Variants in CUX1 observed in about 807,000 individuals in gnomAD.
The protein encoded by CUX1 is cut like homeobox 1.
In CUX1, 31 loss-of-function variants were observed where a neutral mutation model predicts 158.8. That is an observed-to-expected ratio of 0.20 (90% confidence interval 0.15 to 0.26). The LOEUF (loss-of-function observed/expected upper bound fraction) is 0.26. Among genes scored for constraint, CUX1 ranks in the 10% least tolerant of loss-of-function variants. The probability of loss-of-function intolerance (pLI) is 1.00; values close to 1 mark genes in which losing one functional copy is unlikely to be tolerated. For synonymous variants in CUX1, 879 were observed against 862.1 expected (o/e 1.02, Z -0.34); for missense variants, 1,589 against 2,014.6 (o/e 0.79, Z 4.04).
At chr7:102,096,117 C>T (rs892800981) in intron 4 of CUX1, among the ~76,000 whole-genome samples, 1 of 152,252 alleles carries the variant, frequency 6.6e-6, no homozygotes, top group African/African-American at 2.4e-5. Flanking sequence ...TGCAAGACCC[C>T]AGCGCTGGCC....
At chr7:102,074,603 T>G (rs1826497128) in intron 4 of CUX1, among the ~76,000 whole-genome samples, 1 of 152,102 alleles carries the variant, frequency 6.6e-6, no homozygotes, top group East Asian at 1.9e-4. Flanking sequence ...AAGGAGTCAA[T>G]GGACCCAAAT....
intron 1 of CUX1, among the ~76,000 whole-genome samples, chr7:101,873,102 A>G (rs1798749617): frequency 6.7e-6 from 1 of 150,176 alleles, no homozygotes; most frequent in Non-Finnish European, 1.5e-5. Flanking sequence ...TGATCTCCTG[A>G]CCTTGTGATC....
At chr7:102,160,428 C>T (rs1790310471) in intron 9 of CUX1, among the ~76,000 whole-genome samples, 1 of 152,072 alleles carries the variant, frequency 6.6e-6, no homozygotes, top group African/African-American at 2.4e-5. Context: ...AGGCAGTCCC[C>T]AGCTACCTAA....
rs1334851438 is a variant in CUX1, at chr7:102,178,495, C to G, written c.855C>G (p.Arg285=). ...DVEQAIEVLT[R]SSLEVELAAK... ...AGCAGGCCATAGAGGTGCTGACCCG[C>G]TCCAGCCTAGAAGTTGAGTTGGCCG... Residue 285 remains arginine, a synonymous_variant, in exon 11 of 24, where the codon CGC becomes CGG. Transcript: ENST00000292535. The G allele has an allele frequency of 6.2e-7, 1 of 1,610,900 alleles. No individual in the cohort carries two copies. Among genetic ancestry groups the G allele is most frequent in the African/African-American group, 1.3e-5 (1 of 74,894 alleles).
At chr7:101,860,445 A>G (rs1048034017) in intron 1 of CUX1, among the ~76,000 whole-genome samples, 3 of 152,220 alleles carry the variant, frequency 2.0e-5, no homozygotes, top group African/African-American at 7.2e-5. Context: ...CACCTAAAAC[A>G]TAAATGAACA....
At chr7:101,982,357 C>T (rs1051633218) in intron 2 of CUX1, among the ~76,000 whole-genome samples, 2 of 152,158 alleles carry the variant, frequency 1.3e-5, no homozygotes, top group Non-Finnish European at 2.9e-5. Context: ...GACAGGAGGA[C>T]AAGTCACTGG....
At chr7:102,084,244 ATATAT>A (rs1209801204) in intron 4 of CUX1, among the ~76,000 whole-genome samples, 2 of 144,174 alleles carry the variant, frequency 1.4e-5, no homozygotes, top group Admixed American at 7.1e-5. Context: ...AATGAATTTC[ATATAT>A]TATATAATTT....
chr7:102,194,009 A>T lies in CUX1; in HGVS notation c.1125+119A>T, dbSNP rs1162203347. ...CGAGACCTCTCACTTACAGCCGATG[A>T]GTCATACTTCAAGAACATTTAACCA... On this transcript the variant is annotated intron_variant, in intron 13 of 23. Coordinates refer to ENST00000292535, the MANE Select transcript of CUX1 (RefSeq NM_181552.4). 7 of 955,284 alleles carry T rather than the reference A, an allele frequency of 7.3e-6. No individual in the cohort carries two copies. In the African/African-American group the frequency reaches 1.2e-4, roughly 16 times the overall value. 59.2% of individuals were successfully genotyped at this position (955,284 alleles called of 1,614,324 possible).
At chr7:102,044,034 C>A (rs150378403) in intron 3 of CUX1, among the ~76,000 whole-genome samples, 2 of 152,058 alleles carry the variant, frequency 1.3e-5, no homozygotes, top group East Asian at 3.9e-4. Flanking sequence ...TGCAGACTGG[C>A]GTGCGGTGGT....
intron 1 of CUX1, among the ~76,000 whole-genome samples, chr7:101,902,886 T>G (rs1802309628): frequency 6.6e-6 from 1 of 152,222 alleles, no homozygotes; most frequent in Admixed American, 6.5e-5. Context: ...TAGCTGGGAC[T>G]ACAGTTGTGC....
At chr7:101,928,610 C>T (rs769685540) in intron 2 of CUX1, among the ~76,000 whole-genome samples, 54 of 151,004 alleles carry the variant, frequency 3.6e-4, no homozygotes, top group Non-Finnish European at 6.5e-4. Context: ...GTGATCTGCC[C>T]GCCTCGGCCT....
intron 18 of CUX1, among the ~76,000 whole-genome samples, chr7:102,278,654 T>TA (rs201139444): frequency 6.4e-5 from 2 of 31,186 alleles, no homozygotes; most frequent in African/African-American, 1.9e-4. Flanking sequence ...TAAAATAAAA[T>TA]AAAAAAATAA....
intron 1 of CUX1, among the ~76,000 whole-genome samples, chr7:101,892,499 G>A (rs547030250): frequency 1.3e-5 from 2 of 152,246 alleles, no homozygotes; most frequent in Admixed American, 6.5e-5. Context: ...AGAAAATTTT[G>A]TAATGAGCCG....
chr7:102,178,799 A>G (rs1792690613), intron 11 of CUX1, 142 bp downstream of exon 11: 2 of 832,106 alleles, frequency 2.4e-6, no homozygotes, highest in Admixed American at 2.8e-5. Context: ...CACCAAGCAG[A>G]GTCCCGGAGT....
At chr7:102,168,921 TTC>T (rs377295834) in intron 9 of CUX1, among the ~76,000 whole-genome samples, 8 of 42,306 alleles carry the variant, frequency 1.9e-4, no homozygotes, top group Non-Finnish European at 3.4e-4. Context: ...TTATTTTCTT[TTC>T]TTTTCTTTTA....
At chr7:102,005,569 C>T (rs1349474612) in intron 2 of CUX1, among the ~76,000 whole-genome samples, 1 of 152,194 alleles carries the variant, frequency 6.6e-6, no homozygotes, top group Admixed American at 6.5e-5. Flanking sequence ...CTCCTGCCCT[C>T]AAGTGATCCT....
At chr7:102,129,920 C>T (rs1833034807) in intron 8 of CUX1, among the ~76,000 whole-genome samples, 3 of 152,152 alleles carry the variant, frequency 2.0e-5, no homozygotes, top group Admixed American at 2.0e-4. Context: ...GCCAGGCACC[C>T]AGCAAGGATG....
intron 8 of CUX1, among the ~76,000 whole-genome samples, chr7:102,128,294 G>A (rs1257126220): frequency 6.6e-6 from 1 of 152,174 alleles, no homozygotes; most frequent in Non-Finnish European, 1.5e-5. Flanking sequence ...TGAAAAGTCA[G>A]GGACAGTGGA....
rs1214877134 is a variant in CUX1, at chr7:102,252,447, G to A, written c.*3405G>A. 3.0e-6 allele frequency: 3 copies of A among 985,322 alleles called. No homozygotes were observed. The African/African-American group carries it at 5.2e-5, about 17-fold the overall frequency. 61.0% of individuals were successfully genotyped at this position (985,322 alleles called of 1,614,324 possible). On this transcript the variant is annotated 3_prime_UTR_variant, in exon 24 of 24. Coordinates refer to ENST00000292535, the MANE Select transcript of CUX1 (RefSeq NM_181552.4). Reference sequence around the variant, plus strand: ...GCTGATTTGTACCTCTCCCCTGGGGGAAACGGTTCCATATAAAACACTAAC... The same window carrying A: ...GCTGATTTGTACCTCTCCCCTGGGGAAAACGGTTCCATATAAAACACTAAC...
Sources: gnomAD v4.1 joint callset for allele counts (sites outside exome capture counted in the v4.1 genomes callset) on GRCh38, gnomAD v4.1.1 for gene constraint, MANE v1.5 for transcripts, NCBI Gene and HGNC (gene_info 2026-07-23, HGNC 2026-07-21) for gene names.